EBF1: variants seen among roughly 807,000 people sequenced by gnomAD.
EBF1 encodes the protein transcription factor COE1.
EBF1 carries 10 observed loss-of-function variants against 68.4 expected under a neutral mutation model. The observed-to-expected ratio is 0.15, with a 90% CI of 0.09 to 0.25. The LOEUF (loss-of-function observed/expected upper bound fraction) is 0.25. Among genes scored for constraint, EBF1 ranks in the 10% least tolerant of loss-of-function variants. The pLI, the probability that EBF1 is intolerant of heterozygous loss-of-function variation, is 1.00. For synonymous variants in EBF1, 298 were observed against 299.8 expected, an observed-to-expected ratio of 0.99 and a Z score of 0.06; for missense variants, 509 against 794.4, an observed-to-expected ratio of 0.64 and a Z score of 4.32.
chr5:158,881,185 A>C (rs1798834040), intron 6 of EBF1, among the ~76,000 whole-genome samples: 1 of 152,188 alleles, frequency 6.6e-6, no homozygotes, highest in Non-Finnish European at 1.5e-5. Flanking sequence ...GTGTTGGGGG[A>C]AAGAGCCACT....
At chr5:159,073,508 T>C (rs748418018) in intron 5 of EBF1, 44 bp from the exon 6 acceptor site, 3 of 1,607,952 alleles carry the variant, frequency 1.9e-6, no homozygotes, top group Admixed American at 1.7e-5. Context: ...CATTACAATG[T>C]AAAATCATCA....
At chr5:158,934,806 G>GTCC (rs1210681667) in intron 6 of EBF1, among the ~76,000 whole-genome samples, 8 of 152,234 alleles carry the variant, frequency 5.3e-5, no homozygotes, top group Non-Finnish European at 8.8e-5. Context: ...TTCACTAAAT[G>GTCC]TCCTTCCCAG....
Position 159,096,327 on chromosome 5 carries a change from C to T in EBF1, c.355+16G>A. ...GGAGCCCCAGGGTGAGGCCATAGACCCGACCCGGGCCTCACCATTGCTGTA... is the reference window on the plus strand; with the variant it reads ...GGAGCCCCAGGGTGAGGCCATAGACTCGACCCGGGCCTCACCATTGCTGTA... On this transcript the variant is annotated intron_variant, in intron 3 of 15. Coordinates refer to ENST00000313708, the MANE Select transcript of EBF1 (RefSeq NM_024007.5). 2 of 1,611,756 alleles carry T rather than the reference C, an allele frequency of 1.2e-6. No homozygotes were observed. Among genetic ancestry groups the T allele is most frequent in the South Asian group, 1.1e-5 (1 of 90,576 alleles).
At chr5:159,010,798 C>T (rs1583913106) in intron 6 of EBF1, among the ~76,000 whole-genome samples, 2 of 152,158 alleles carry the variant, frequency 1.3e-5, no homozygotes, top group East Asian at 1.9e-4. Flanking sequence ...CCATGAGCCC[C>T]GTAACGAGAT....
intron 6 of EBF1, among the ~76,000 whole-genome samples, chr5:158,869,721 G>A (rs970108900): frequency 2.0e-5 from 3 of 152,114 alleles, no homozygotes; most frequent in Non-Finnish European, 4.4e-5. Context: ...ATCCAGGCCA[G>A]TGACTTGGAA....
intron 9 of EBF1, among the ~76,000 whole-genome samples, chr5:158,783,355 G>A (rs889766918): frequency 3.9e-5 from 6 of 152,300 alleles, no homozygotes; most frequent in African/African-American, 1.4e-4. Context: ...TATTTGCACA[G>A]AAGAAAGGAA....
chr5:158,850,890 C>T (rs946556735), intron 6 of EBF1, among the ~76,000 whole-genome samples: 4 of 150,776 alleles, frequency 2.7e-5, no homozygotes, highest in Non-Finnish European at 5.9e-5. Flanking sequence ...ACCTGAAATC[C>T]CAGCTATTCT....
intron 6 of EBF1, among the ~76,000 whole-genome samples, chr5:158,885,434 A>G (rs1246622670): frequency 6.6e-6 from 1 of 152,224 alleles, no homozygotes; most frequent in Non-Finnish European, 1.5e-5. Context: ...GACAGACTAA[A>G]TAAGGGTGAC....
chr5:158,859,517 G>T (rs576273947), intron 6 of EBF1, among the ~76,000 whole-genome samples: 14 of 152,230 alleles, frequency 9.2e-5, no homozygotes, highest in African/African-American at 3.4e-4. Flanking sequence ...GGCTTCATTT[G>T]GCTGTGAACA....
chr5:158,738,973 C>T (rs961255383), intron 10 of EBF1, among the ~76,000 whole-genome samples: 5 of 152,156 alleles, frequency 3.3e-5, no homozygotes, highest in African/African-American at 9.7e-5. Context: ...TTATGTAAGG[C>T]TCACCATGTC....
At chr5:158,881,234 T>G (rs1160476129) in intron 6 of EBF1, among the ~76,000 whole-genome samples, 4 of 152,052 alleles carry the variant, frequency 2.6e-5, no homozygotes, top group Non-Finnish European at 5.9e-5. Flanking sequence ...AAACTCAACC[T>G]TTCTTTGAAT....
chr5:159,030,549 C>A lies in EBF1; in HGVS notation c.554+42847G>T, dbSNP rs546418076. On this transcript the variant is annotated intron_variant, in intron 6 of 15. Coordinates refer to ENST00000313708, the MANE Select transcript of EBF1 (RefSeq NM_024007.5). Reference sequence around the variant, plus strand: ...TGCAGAGGCGAGCCTTTGTGTGGATCCTTACAGGGACAACAGGATCCGATC... The same window carrying A: ...TGCAGAGGCGAGCCTTTGTGTGGATACTTACAGGGACAACAGGATCCGATC... Among the ~76,000 whole-genome samples, 4 of 152,282 alleles carry A rather than the reference C, an allele frequency of 2.6e-5. No individual in the cohort carries two copies. The East Asian group carries it at 7.7e-4, about 29-fold the overall frequency.
At chr5:158,770,652 C>T (rs1773679531) in intron 10 of EBF1, among the ~76,000 whole-genome samples, 2 of 152,054 alleles carry the variant, frequency 1.3e-5, no homozygotes, top group Admixed American at 6.6e-5. Context: ...GTGTTTCCTC[C>T]CACCCAGGGC....
Position 159,044,096 on chromosome 5 carries a change from T to C in EBF1, c.554+29300A>G, listed in dbSNP as rs150040088. Among the ~76,000 whole-genome samples, 6 of 152,330 alleles carry C rather than the reference T, an allele frequency of 3.9e-5. 1 individual carries two copies. The highest frequency in any genetic ancestry group is 3.3e-4 in the Admixed American group (5 of 15,304). On this transcript the variant is annotated intron_variant, in intron 6 of 15. Transcript: ENST00000313708. ...CACCTAATTGTTGAATAAAACTGTA[T>C]TGATCATAGCTATGTTATTATATCT...
chr5:159,076,628 C>CA (rs201946281), intron 5 of EBF1, among the ~76,000 whole-genome samples: 1 of 151,922 alleles, frequency 6.6e-6, no homozygotes, highest in Non-Finnish European at 1.5e-5. Flanking sequence ...TCACCACTTA[C>CA]AAAAAAAACT....
chr5:158,872,164 T>TATC (rs1796986261), intron 6 of EBF1, among the ~76,000 whole-genome samples: 1 of 152,062 alleles, frequency 6.6e-6, no homozygotes, highest in South Asian at 2.1e-4. Flanking sequence ...TGGACTTTCC[T>TATC]ATCTACCCAA....
chr5:159,000,064 G>A (rs553706652), intron 6 of EBF1, among the ~76,000 whole-genome samples: 1 of 152,246 alleles, frequency 6.6e-6, no homozygotes, highest in South Asian at 2.1e-4. Flanking sequence ...TGTGCTGAAG[G>A]TGCAAAAGCA....
intron 4 of EBF1, among the ~76,000 whole-genome samples, chr5:159,086,304 C>T (rs531816462): frequency 6.6e-6 from 1 of 152,254 alleles, no homozygotes; most frequent in East Asian, 1.9e-4. Context: ...AAGGAATTCT[C>T]TTACATAACC....
In EBF1 at chr5:158,768,646, T is replaced by C. The variant is rs186836341; in HGVS notation, c.1036+8767A>G. Among the ~76,000 whole-genome samples the C allele has an allele frequency of 2.1e-3, 322 of 152,252 alleles. 2 individuals are homozygous for C. Among genetic ancestry groups the C allele is most frequent in the Non-Finnish European group, 2.7e-3 (185 of 68,000 alleles). Reference sequence around the variant, plus strand: ...AATGCCCTAGCGGGTCCCACGTCTCTTCGTTAACTTTAACAATGAACAGGA... The same window carrying C: ...AATGCCCTAGCGGGTCCCACGTCTCCTCGTTAACTTTAACAATGAACAGGA... On this transcript the variant is annotated intron_variant, in intron 10 of 15. Coordinates refer to ENST00000313708, the MANE Select transcript of EBF1 (RefSeq NM_024007.5).
Sources: allele counts gnomAD v4.1 joint callset (sites outside exome capture counted in the v4.1 genomes callset), GRCh38; gene constraint gnomAD v4.1.1; transcripts MANE v1.5; gene names NCBI Gene and HGNC (gene_info 2026-07-23, HGNC 2026-07-21).